Variants in SRP68 observed in about 807,000 individuals in gnomAD.
SRP68 encodes the protein signal recognition particle subunit SRP68.
SRP68 carries 15 observed loss-of-function variants against 82.2 expected under a neutral mutation model. The observed-to-expected ratio is 0.18, with a 90% CI of 0.12 to 0.28. SRP68 has a LOEUF of 0.28. Ranked by LOEUF, SRP68 falls within the 10% of genes least tolerant of loss-of-function variation. SRP68 has a pLI of 1.00. For synonymous variants in SRP68, 261 were observed against 292.6 expected (o/e 0.89, Z 1.10); for missense variants, 595 against 780.5 (o/e 0.76, Z 2.83).
At chr17:76,056,913 A>G (rs899453855) in intron 8 of SRP68, among the ~76,000 whole-genome samples, 3 of 152,242 alleles carry the variant, frequency 2.0e-5, no homozygotes, top group Admixed American at 6.5e-5. Flanking sequence ...ATAGGTAACT[A>G]TGTCAGTAGG....
chr17:76,062,671 TTATATAA>T (rs1446107490), intron 4 of SRP68, among the ~76,000 whole-genome samples: 1 of 36,644 alleles, frequency 2.7e-5, no homozygotes, highest in East Asian at 7.0e-4. Flanking sequence ...ATAATATACA[TTATATAA>T]TATATAATAT....
At position 76,067,021 on chromosome 17, in the gene SRP68, C is replaced by T. The variant is rs139881650; in HGVS notation, c.365+196G>A. On this transcript the variant is annotated intron_variant, in intron 3 of 15. Transcript: ENST00000307877. ...GGGATTATAGGCGTGAACCACTGCA[C>T]CTGGCCCCAACACAGTTCTTGAACA... Among the ~76,000 whole-genome samples the T allele has an allele frequency of 2.1e-3, 320 of 152,262 alleles. 2 individuals are homozygous for T. The highest frequency in any genetic ancestry group is 7.3e-3 in the African/African-American group (304 of 41,532).
chr17:76,062,690 C>CAATAT lies in SRP68; in HGVS notation c.562-1117_562-1116insATATT, dbSNP rs2066770234. Reference sequence around the variant, plus strand: ...TATACATTATATAATATATAATATACATTATATATTGTATATTATACAATA... The same window carrying CAATAT: ...TATACATTATATAATATATAATATACAATATATTATATATTGTATATTATACAATA... On this transcript the variant is annotated intron_variant, in intron 4 of 15. Transcript: ENST00000307877. Among the ~76,000 whole-genome samples the CAATAT allele has an allele frequency of 6.7e-5, 3 of 44,644 alleles. 1 individual carries two copies. Among genetic ancestry groups the CAATAT allele is most frequent in the African/African-American group, 4.6e-4 (3 of 6,484 alleles). 29.3% of individuals were successfully genotyped at this position (44,644 alleles called of 152,430 possible).
chr17:76,045,930 A>G, intron 11 of SRP68, 108 bp downstream of exon 11: 1 of 1,358,124 alleles, frequency 7.4e-7, no homozygotes, highest in South Asian at 1.2e-5. Flanking sequence ...AGCTACTAAT[A>G]GGTCCTGCTT....
intron 10 of SRP68, among the ~76,000 whole-genome samples, chr17:76,046,982 C>A (rs973718644): frequency 2.0e-4 from 30 of 152,104 alleles, no homozygotes; most frequent in African/African-American, 7.0e-4. Flanking sequence ...GTGGCTCATG[C>A]CTCTGGTCCC....
rs1396000785 is a variant in SRP68 at position 76,045,318 on chromosome 17, G to A, written c.1368C>T (p.Leu456=). 2 of 1,613,684 alleles carry A rather than the reference G, an allele frequency of 1.2e-6. No homozygotes were observed. The highest frequency in any genetic ancestry group is 2.7e-5 in the African/African-American group (2 of 74,906). The change falls in exon 12 of 16, where the codon CTC becomes CTT. Residue 456 remains leucine, a synonymous_variant. Coordinates refer to ENST00000307877, the MANE Select transcript of SRP68 (RefSeq NM_014230.4). ...EDKAFQKEIG[L]KTLVFKAYRC... ...TGTAAGCTTTGAACACCAGAGTCTT[G>A]AGGCCTATCTCTTTCTGGAAGGCTT...
At chr17:76,040,335 G>A (rs745557534) in intron 15 of SRP68, 84 bp downstream of exon 15, 95 of 1,334,396 alleles carry the variant, frequency 7.1e-5, no homozygotes, top group Non-Finnish European at 9.7e-5. Flanking sequence ...GAAATTTAGG[G>A]TCCACTGCTC....
rs745410222 is a variant in SRP68, at chr17:76,046,465, GA to G, written c.1143-272del. Among the ~76,000 whole-genome samples the G allele has an allele frequency of 5.1e-3, 361 of 71,266 alleles. 3 individuals carry two copies. The highest frequency in any genetic ancestry group is 0.03 in the African/African-American group (280 of 9,202). 46.8% of individuals were successfully genotyped at this position (71,266 alleles called of 152,430 possible). On this transcript the variant is annotated intron_variant, in intron 10 of 15. Coordinates refer to ENST00000307877, the MANE Select transcript of SRP68 (RefSeq NM_014230.4). ...ATCCTTTTTCAAGAACCACACAGTG[GA>G]AAAAAAAAAAAAAAAAAACAAAAAA...
At chr17:76,068,656 C>T (rs1055507328) in intron 2 of SRP68, among the ~76,000 whole-genome samples, 4 of 152,166 alleles carry the variant, frequency 2.6e-5, no homozygotes, top group African/African-American at 7.2e-5. Flanking sequence ...CTATGCCAAG[C>T]CTCCTCCTCT....
intron 2 of SRP68, among the ~76,000 whole-genome samples, chr17:76,070,021 G>A (rs1161116362): frequency 6.6e-6 from 1 of 151,928 alleles, no homozygotes; most frequent in African/African-American, 2.4e-5. Flanking sequence ...GGGCTGCAGT[G>A]AGCCAGGATT....
At chr17:76,060,197 A>C in intron 7 of SRP68, 111 bp downstream of exon 7, 1 of 497,218 alleles carries the variant, frequency 2.0e-6, no homozygotes, top group East Asian at 3.5e-5. Flanking sequence ...ATATTTGCTA[A>C]TACAGATATA....
At chr17:76,041,038 G>A in intron 13 of SRP68, 60 bp from the exon 14 acceptor site, 5 of 1,438,572 alleles carry the variant, frequency 3.5e-6, no homozygotes, top group East Asian at 2.3e-5. Flanking sequence ...AGCACACCAA[G>A]CTAACCCGAG....
In SRP68 at chr17:76,062,743, A is replaced by ATTATATTTATTT. The variant is rs1820588583; in HGVS notation, c.562-1170_562-1169insAAATAAATATAA. Among the ~76,000 whole-genome samples the ATTATATTTATTT allele has an allele frequency of 8.7e-5, 6 of 68,902 alleles. 2 individuals are homozygous for ATTATATTTATTT. The highest frequency in any genetic ancestry group is 1.7e-4 in the African/African-American group (2 of 11,898). 45.2% of individuals were successfully genotyped at this position (68,902 alleles called of 152,430 possible). On this transcript the variant is annotated intron_variant, in intron 4 of 15. Transcript: ENST00000307877. Reference sequence around the variant, plus strand: ...TTATATTTATTTTATATATATATATATATATATATATATATATATATAAAA... The same window carrying ATTATATTTATTT: ...TTATATTTATTTTATATATATATATATTATATTTATTTTATATATATATATATATATATAAAA...
intron 4 of SRP68, among the ~76,000 whole-genome samples, chr17:76,062,507 ATAATATACATTATATAT>A (rs2066760994): frequency 8.8e-6 from 1 of 113,662 alleles, no homozygotes; most frequent in African/African-American, 3.4e-5. Flanking sequence ...TAATATATAT[ATAATATACATTATATAT>A]TATATAATAT....
In SRP68 at chr17:76,057,491, T is replaced by C; in HGVS notation, c.890A>G (p.Glu297Gly). ...CACTGGAACCGTTCTCCCTCTCCAC[T>C]CCACTTCACTCATGGTAGCTGCCTG... ...AKQAATMSEVEWRGRTVPVKI... is the reference protein window; with the variant it reads ...AKQAATMSEVGWRGRTVPVKI... Residue 297 changes from glutamate to glycine, a missense_variant, in exon 8 of 16, where the codon GAG (glutamate) becomes GGG (glycine). Around this residue, in one of 2 missense-constraint regions of SRP68, gnomAD observed 495 missense variants for 688.6 expected, o/e 0.72. Transcript: ENST00000307877. The C allele has an allele frequency of 6.2e-7, 1 of 1,614,130 alleles. No homozygotes were observed. Among genetic ancestry groups the C allele is most frequent in the Non-Finnish European group, 8.5e-7 (1 of 1,180,034 alleles).
At chr17:76,049,940 C>T (rs1402121167) in intron 9 of SRP68, among the ~76,000 whole-genome samples, 1 of 152,038 alleles carries the variant, frequency 6.6e-6, no homozygotes, top group African/African-American at 2.4e-5. Context: ...CGAGACCAAG[C>T]CAGAAGAAGC....
chr17:76,070,352 C>T (rs751689502), intron 2 of SRP68, 26 bp downstream of exon 2: 2 of 1,599,184 alleles, frequency 1.3e-6, no homozygotes, highest in South Asian at 1.1e-5. Flanking sequence ...ACAATGATTT[C>T]CAAACATCTT....
chr17:76,038,859 A>T lies in SRP68; in HGVS notation c.*847T>A, dbSNP rs977479066. The T allele has an allele frequency of 3.3e-5, 5 of 153,352 alleles. No individual in the cohort carries two copies. Among genetic ancestry groups the T allele is most frequent in the Non-Finnish European group, 7.3e-5 (5 of 68,780 alleles). The allele number at this position is 153,352 out of a possible 1,614,324, so 9.5% of individuals were successfully genotyped here. A position where few individuals can be genotyped will look rare whatever the true frequency, so the allele number is the denominator to read the frequency against. ...ACTTCTATTATTGATGTTATAATAG[A>T]AGTGAAAAGGGATGACTAAGGAAAA... On this transcript the variant is annotated 3_prime_UTR_variant, in exon 16 of 16. Transcript: ENST00000307877.
At chr17:76,046,387 C>T (rs867330971) in intron 10 of SRP68, among the ~76,000 whole-genome samples, 193 bp from the exon 11 acceptor site, 4 of 151,362 alleles carry the variant, frequency 2.6e-5, no homozygotes, top group South Asian at 4.2e-4. Flanking sequence ...GCAGGGGACC[C>T]GCATGAGATC....
Sources: allele counts gnomAD v4.1 joint callset (sites outside exome capture counted in the v4.1 genomes callset), GRCh38; gene constraint gnomAD v4.1.1; regional missense constraint gnomAD v4.1.1; transcripts MANE v1.5; gene names NCBI Gene and HGNC (gene_info 2026-07-23, HGNC 2026-07-21).